The following FHIP2A variants were observed in gnomAD, a reference collection of about 807,000 sequenced individuals.
FHIP2A encodes family with sequence similarity 160 member B1.
In FHIP2A, 46 loss-of-function variants were observed where a neutral mutation model predicts 93.5. The ratio of observed to expected loss-of-function variants is 0.49; its 90% CI spans 0.39 to 0.63. The LOEUF (loss-of-function observed/expected upper bound fraction) is 0.63. FHIP2A is among the 20% of genes least tolerant of loss of function. The pLI is 0.00. For missense variants in FHIP2A, 769 were observed against 909.7 expected (o/e 0.85, Z 1.99); for synonymous variants, 332 against 326.5 (o/e 1.02, Z -0.18).
At chr10:114,899,573 A>C in exon 17 of FHIP2A, 1 of 716,642 alleles carries the variant, frequency 1.4e-6, no homozygotes, top group Non-Finnish European at 2.6e-6. Flanking sequence ...AAGAATCTCG[A>C]TGGTTTCCAC....
exon 17 of FHIP2A, chr10:114,899,768 T>C: frequency 2.3e-6 from 1 of 443,584 alleles, no homozygotes; most frequent in East Asian, 3.3e-5. Flanking sequence ...GGAAAAAGAA[T>C]TCCACCACAA....
At chr10:114,828,824 G>T (rs1251586773) in intron 1 of FHIP2A, among the ~76,000 whole-genome samples, 1 of 151,780 alleles carries the variant, frequency 6.6e-6, no homozygotes, top group East Asian at 1.9e-4. Context: ...TGAAAATAAG[G>T]TGAATATTTT....
chr10:114,847,143 C>T lies in FHIP2A; in HGVS notation c.1622C>T (p.Pro541Leu), dbSNP rs1261902825. The T allele has an allele frequency of 3.7e-6, 6 of 1,613,198 alleles. No individual in the cohort carries two copies. Among genetic ancestry groups the T allele is most frequent in the Non-Finnish European group, 5.1e-6 (6 of 1,179,340 alleles). ...FTDISPENTL[P>L]NQEWLSSSPP... Reference sequence around the variant, plus strand: ...GACATTTCACCAGAAAACACTTTGCCAAACCAAGAGTGGCTTAGTTCTTCA... The same window carrying T: ...GACATTTCACCAGAAAACACTTTGCTAAACCAAGAGTGGCTTAGTTCTTCA... The change falls in exon 12 of 17, where the codon CCA (proline) becomes CTA (leucine). Residue 541 changes from proline (P) to leucine (L), a missense_variant. Transcript: ENST00000369248.
intron 5 of FHIP2A, among the ~76,000 whole-genome samples, chr10:114,840,219 TC>T (rs939495884): frequency 2.4e-4 from 37 of 152,282 alleles, no homozygotes; most frequent in African/African-American, 7.9e-4. Context: ...CAAGACCTCA[TC>T]TCTATAAAAA....
intron 5 of FHIP2A, 91 bp from the exon 6 acceptor site, chr10:114,842,842 T>C (rs1298601622): frequency 1.3e-6 from 1 of 789,422 alleles, no homozygotes; most frequent in Non-Finnish European, 2.0e-6. Context: ...TGGCTAGGCA[T>C]GTGGAATGTT....
intron 11 of FHIP2A, 63 bp downstream of exon 11, chr10:114,846,791 T>G: frequency 7.2e-7 from 1 of 1,384,312 alleles, no homozygotes; most frequent in Non-Finnish European, 9.8e-7. Context: ...TTCTCTCTCC[T>G]CTTATCTACC....
intron 7 of FHIP2A, among the ~76,000 whole-genome samples, chr10:114,845,154 T>TA (rs2083693074): frequency 6.6e-6 from 1 of 152,156 alleles, no homozygotes; most frequent in African/African-American, 2.4e-5. Flanking sequence ...TCCTACTTAA[T>TA]ACGTGAAAAT....
At chr10:114,855,047 G>A (rs1364372584) in intron 13 of FHIP2A, 150 bp from the exon 14 acceptor site, 2 of 690,734 alleles carry the variant, frequency 2.9e-6, no homozygotes, top group African/African-American at 1.8e-5. Flanking sequence ...AAAGATCTGA[G>A]TCATCTCTTC....
chr10:114,843,136 C>A lies in FHIP2A; in HGVS notation c.726C>A (p.Leu242=). 1.2e-6 allele frequency: 2 copies of A among 1,614,038 alleles called. No individual in the cohort carries two copies. The highest frequency in any genetic ancestry group is 1.7e-6 in the Non-Finnish European group (2 of 1,179,902). Reference sequence around the variant, plus strand: ...ACCTGTCCACAAGCTTGGATAACCTCAGTGTCACCTCACTGCCAGAGGCCT... The same window carrying A: ...ACCTGTCCACAAGCTTGGATAACCTAAGTGTCACCTCACTGCCAGAGGCCT... ...MDHLSTSLDN[L]SVTSLPEASV... is the part of the protein sequence containing the mutation. Residue 242 remains leucine, a synonymous_variant, in exon 6 of 17, where the codon CTC becomes CTA. Coordinates refer to ENST00000369248, the MANE Select transcript of FHIP2A (RefSeq NM_020940.4).
In FHIP2A at chr10:114,843,188, A is replaced by G. The variant is rs755643294; in HGVS notation, c.778A>G (p.Asn260Asp). 6 of 1,613,674 alleles carry G rather than the reference A, an allele frequency of 3.7e-6. No individual in the cohort carries two copies. The highest frequency in any genetic ancestry group is 1.1e-5 in the South Asian group (1 of 91,022). ...GGTTGTTTGTCCAAATCAGGATTAC[A>G]ATTTAGTGAATTCTTTGTTAAATCT... ...ASVVCPNQDYNLVNSLLNLTR... is the reference protein window; with the variant it reads ...ASVVCPNQDYDLVNSLLNLTR... The change falls in exon 6 of 17, where the codon AAT becomes GAT. Residue 260 changes from asparagine to aspartate, a missense_variant. Coordinates refer to ENST00000369248, the MANE Select transcript of FHIP2A (RefSeq NM_020940.4).
intron 16 of FHIP2A, among the ~76,000 whole-genome samples, chr10:114,873,033 G>A (rs2083867096): frequency 6.6e-6 from 1 of 152,226 alleles, no homozygotes; most frequent in African/African-American, 2.4e-5. Flanking sequence ...AAAATAGCAG[G>A]AAGCAGCACC....
At position 114,855,182 on chromosome 10, in the gene FHIP2A, C is replaced by G. The variant is rs1169723325; in HGVS notation, c.1804-15C>G. 6.3e-6 allele frequency: 10 copies of G among 1,594,114 alleles called. No individual in the cohort carries two copies. Among genetic ancestry groups the G allele is most frequent in the Middle Eastern group, 1.7e-4 (1 of 5,998 alleles). ...TTTTTGTTCTTTAATGATTCACATG[C>G]TTTTTTCCCCCTAGTTCCGAGACTA... On this transcript the variant is annotated splice_polypyrimidine_tract_variant and intron_variant, in intron 13 of 16. Transcript: ENST00000369248.
rs150305966 is a variant in FHIP2A, at chr10:114,891,366, G to A, written c.2193-8124G>A. 8.6e-5 allele frequency among the ~76,000 whole-genome samples: 13 copies of A among 151,664 alleles called. No homozygotes were observed. In the East Asian group the frequency reaches 2.3e-3, roughly 27 times the overall value. On this transcript the variant is annotated intron_variant, in intron 16 of 16. Transcript: ENST00000369250. ...GGGCCATGATAATTATTGAAACTGG[G>A]TAATGTGTCCATGGAGGTTTATTAT...
At chr10:114,857,430 G>A (rs552139884) in intron 14 of FHIP2A, among the ~76,000 whole-genome samples, 4 of 151,098 alleles carry the variant, frequency 2.6e-5, no homozygotes, top group South Asian at 2.1e-4. Context: ...CCGTCTCAGC[G>A]TCCTGAGTAG....
At chr10:114,885,376 C>A (rs1047909222) in intron 16 of FHIP2A, among the ~76,000 whole-genome samples, 11 of 141,210 alleles carry the variant, frequency 7.8e-5, no homozygotes, top group Non-Finnish European at 1.5e-4. Flanking sequence ...GCCTGCACAA[C>A]AAGAGTGAAA....
At chr10:114,841,925 A>T (rs1208321908) in intron 5 of FHIP2A, among the ~76,000 whole-genome samples, 3 of 152,170 alleles carry the variant, frequency 2.0e-5, no homozygotes, top group African/African-American at 7.2e-5. Context: ...ACAATTTGCT[A>T]ATTTGCTTCA....
chr10:114,884,645 G>A (rs181509700), intron 16 of FHIP2A, among the ~76,000 whole-genome samples: 15 of 152,318 alleles, frequency 9.8e-5, no homozygotes, highest in Non-Finnish European at 2.1e-4. Context: ...GGGCGCGGTG[G>A]CTCACGCCTG....
In FHIP2A at chr10:114,878,303, G is replaced by A. The variant is rs1179250179; in HGVS notation, c.2192+16969G>A. 3.9e-5 allele frequency among the ~76,000 whole-genome samples: 6 copies of A among 152,104 alleles called. 1 individual carries two copies. Among genetic ancestry groups the A allele is most frequent in the Non-Finnish European group, 8.8e-5 (6 of 68,034 alleles). ...GTGGAACACGGAGGATCAGTTTCAC[G>A]CCCACTGGCTAAGAACTCACTGAAC... On this transcript the variant is annotated intron_variant, in intron 16 of 16. Transcript: ENST00000369250.
chr10:114,877,173 G>A (rs1466604229), intron 16 of FHIP2A, among the ~76,000 whole-genome samples: 1 of 152,110 alleles, frequency 6.6e-6, no homozygotes, highest in Non-Finnish European at 1.5e-5. Flanking sequence ...CCTGTTCTTA[G>A]AGGAACAATC....
Sources: allele counts gnomAD v4.1 joint callset (sites outside exome capture counted in the v4.1 genomes callset), GRCh38; gene constraint gnomAD v4.1.1; transcripts MANE v1.5; gene names NCBI Gene and HGNC (gene_info 2026-07-23, HGNC 2026-07-21).